ARHGAP24: variants seen among roughly 807,000 people sequenced by gnomAD.
ARHGAP24 encodes the protein Rho GTPase activating protein 24.
ARHGAP24 carries 50 observed loss-of-function variants against 76.4 expected under a neutral mutation model. The ratio of observed to expected loss-of-function variants is 0.65; its 90% CI spans 0.52 to 0.83. The LOEUF is 0.83. ARHGAP24 is among the 40% of genes least tolerant of loss of function. ARHGAP24 has a pLI of 0.00. For synonymous variants in ARHGAP24, 345 were observed against 323.3 expected, an observed-to-expected ratio of 1.07 and a Z score of -0.72; for missense variants, 930 against 914.2, an observed-to-expected ratio of 1.02 and a Z score of -0.22.
At chr4:85,529,910 A>C (rs1230061840) in intron 1 of ARHGAP24, among the ~76,000 whole-genome samples, 1 of 145,202 alleles carries the variant, frequency 6.9e-6, no homozygotes, top group East Asian at 1.9e-4. Context: ...TTTTAAAAAA[A>C]ACTCTTTTCA....
At chr4:85,825,891 T>A (rs931683284) in intron 3 of ARHGAP24, among the ~76,000 whole-genome samples, 6 of 152,332 alleles carry the variant, frequency 3.9e-5, no homozygotes, top group Middle Eastern at 3.4e-3. Context: ...AGGTAACTAA[T>A]TTACTCAGAC....
intron 5 of ARHGAP24, among the ~76,000 whole-genome samples, chr4:85,947,576 T>A (rs1390861314): frequency 2.6e-5 from 4 of 152,198 alleles, no homozygotes; most frequent in Non-Finnish European, 4.4e-5. Context: ...AAGTGTTATT[T>A]CTCTGTGAAA....
chr4:85,515,416 A>G (rs1253270308), intron 1 of ARHGAP24, among the ~76,000 whole-genome samples: 2 of 151,006 alleles, frequency 1.3e-5, no homozygotes, highest in African/African-American at 4.9e-5. Context: ...GTGCAAAATA[A>G]ACTATACCCA....
chr4:85,811,989 C>T (rs1018478232), intron 3 of ARHGAP24, among the ~76,000 whole-genome samples: 1 of 151,910 alleles, frequency 6.6e-6, no homozygotes, highest in East Asian at 1.9e-4. Flanking sequence ...CAGTCTGACC[C>T]ATATGGTGAA....
At chr4:85,531,067 T>C (rs1195624807) in intron 1 of ARHGAP24, among the ~76,000 whole-genome samples, 1 of 152,040 alleles carries the variant, frequency 6.6e-6, no homozygotes, top group Non-Finnish European at 1.5e-5. Flanking sequence ...CGTTTTTTCC[T>C]TTCTTATGGT....
intron 2 of ARHGAP24, among the ~76,000 whole-genome samples, chr4:85,711,147 C>T (rs958864833): frequency 1.3e-5 from 2 of 151,990 alleles, no homozygotes; most frequent in Non-Finnish European, 2.9e-5. Flanking sequence ...AATGCAGGAG[C>T]AGAAAACCAA....
intron 2 of ARHGAP24, among the ~76,000 whole-genome samples, chr4:85,629,127 T>C (rs1476268785): frequency 6.6e-6 from 1 of 152,172 alleles, no homozygotes; most frequent in Non-Finnish European, 1.5e-5. Flanking sequence ...GTGAATACAC[T>C]GCAGGATTTT....
At chr4:85,572,874 CTTTTTTTTTTT>C (rs775780758) in intron 2 of ARHGAP24, among the ~76,000 whole-genome samples, 2 of 124,296 alleles carry the variant, frequency 1.6e-5, no homozygotes, top group Non-Finnish European at 1.7e-5. Context: ...TTTTTTCTTT[CTTTTTTTTTTT>C]TTTTTTTTTG....
chr4:85,552,792 A>G (rs758323595), intron 1 of ARHGAP24, among the ~76,000 whole-genome samples: 5 of 152,178 alleles, frequency 3.3e-5, no homozygotes, highest in Non-Finnish European at 5.9e-5. Context: ...GTCTTTTTAA[A>G]AAATCTTTTT....
intron 3 of ARHGAP24, among the ~76,000 whole-genome samples, chr4:85,903,470 A>T (rs1337111329): frequency 6.6e-6 from 1 of 152,132 alleles, no homozygotes; most frequent in East Asian, 1.9e-4. Context: ...CCAGAATCTA[A>T]TGACACTGAT....
intron 3 of ARHGAP24, among the ~76,000 whole-genome samples, chr4:85,909,495 A>G (rs1011676401): frequency 2.6e-5 from 4 of 152,190 alleles, no homozygotes; most frequent in African/African-American, 9.7e-5. Flanking sequence ...GTTTAGCAAT[A>G]TGCCTGTTGA....
At chr4:85,872,798 G>A (rs1398907533) in intron 3 of ARHGAP24, among the ~76,000 whole-genome samples, 1 of 146,932 alleles carries the variant, frequency 6.8e-6, no homozygotes, top group Non-Finnish European at 1.5e-5. Flanking sequence ...ATGGGGTCTT[G>A]CCATGTTGCC....
At chr4:85,694,137 A>G (rs1384222459) in intron 2 of ARHGAP24, among the ~76,000 whole-genome samples, 1 of 151,802 alleles carries the variant, frequency 6.6e-6, no homozygotes, top group Non-Finnish European at 1.5e-5. Flanking sequence ...TTTCGTTATG[A>G]AAATCTATTC....
At chr4:85,502,352 T>A (rs1221141665) in intron 1 of ARHGAP24, among the ~76,000 whole-genome samples, 1 of 152,218 alleles carries the variant, frequency 6.6e-6, no homozygotes, top group East Asian at 1.9e-4. Flanking sequence ...TTCCTATCCA[T>A]GAGCATGGAA....
At chr4:85,631,735 T>A (rs960145327) in intron 2 of ARHGAP24, among the ~76,000 whole-genome samples, 3 of 152,066 alleles carry the variant, frequency 2.0e-5, no homozygotes, top group Admixed American at 2.0e-4. Context: ...TTCAAACAAA[T>A]GTATCTATTG....
chr4:85,836,259 C>G (rs971830693), intron 3 of ARHGAP24, among the ~76,000 whole-genome samples: 2 of 152,184 alleles, frequency 1.3e-5, no homozygotes, highest in African/African-American at 4.8e-5. Flanking sequence ...TCCTTGATAA[C>G]AGTACCTGTA....
chr4:85,560,755 C>T (rs1463326363), intron 1 of ARHGAP24, among the ~76,000 whole-genome samples: 1 of 152,134 alleles, frequency 6.6e-6, no homozygotes, highest in Admixed American at 6.5e-5. Flanking sequence ...AGAGTAGCAT[C>T]CAGTGAGACA....
intron 5 of ARHGAP24, among the ~76,000 whole-genome samples, chr4:85,961,931 C>G (rs996013444): frequency 6.6e-6 from 1 of 152,076 alleles, no homozygotes; most frequent in Non-Finnish European, 1.5e-5. Context: ...ATGAAGATTA[C>G]ATTTCCTTTG....
At chr4:85,775,033 G>T (rs1056851359) in intron 3 of ARHGAP24, among the ~76,000 whole-genome samples, 3 of 152,016 alleles carry the variant, frequency 2.0e-5, no homozygotes, top group African/African-American at 7.2e-5. Flanking sequence ...ACTTATTCTA[G>T]AGGAGACATA....
Sources: gnomAD v4.1 joint callset for allele counts (sites outside exome capture counted in the v4.1 genomes callset) on GRCh38, gnomAD v4.1.1 for gene constraint, MANE v1.5 for transcripts, NCBI Gene and HGNC (gene_info 2026-07-23, HGNC 2026-07-21) for gene names.